The following STAP2 variants were observed in gnomAD, a reference collection of about 807,000 sequenced individuals.
The protein encoded by STAP2 is signal-transducing adaptor protein 2.
A neutral mutation model predicts 52.7 loss-of-function variants in STAP2; 58 were observed. That is an observed-to-expected ratio of 1.10 (90% CI 0.89 to 1.37). The LOEUF is 1.37. Among genes scored for constraint, STAP2 ranks in the 40% most tolerant of loss-of-function variants. The probability of loss-of-function intolerance (pLI) is 0.00; values close to 1 mark genes in which losing one functional copy is unlikely to be tolerated. For missense variants in STAP2, 522 were observed against 519.4 expected, an observed-to-expected ratio of 1.00 and a Z score of -0.05; for synonymous variants, 231 against 210.5, an observed-to-expected ratio of 1.10 and a Z score of -0.84.
chr19:4,338,653 C>G lies in STAP2; in HGVS notation c.101G>C (p.Arg34Pro). The G allele has an allele frequency of 1.2e-6, 2 of 1,609,902 alleles. No homozygotes were observed. The highest frequency in any genetic ancestry group is 1.7e-6 in the Non-Finnish European group (2 of 1,177,798). ...CCAGCCCCCGCCTCCCCACCTTACC[C>G]GGTCACAGGGCCCCTTCTTCTCTAG... ...SFLEKKGPCDRDYKKFWAGLQ... is the reference protein window; with the variant it reads ...SFLEKKGPCDPDYKKFWAGLQ... Residue 34 changes from arginine to proline, a missense_variant and splice_region_variant, in exon 1 of 13, where the codon CGG (arginine) becomes CCG (proline). By Grantham distance (103) the Arg-to-Pro change is moderately radical. Transcript: ENST00000594605.
Position 4,327,145 on chromosome 19 carries a change from C to T in STAP2, c.742G>A (p.Glu248Lys), listed in dbSNP as rs754998915. The change falls in exon 8 of 13, where the codon GAG (glutamate) becomes AAG (lysine). Residue 248 changes from glutamate (E) to lysine (K), a missense_variant. Physicochemically the swap from Glu to Lys is moderately conservative, Grantham distance 56. Transcript: ENST00000594605. ...KKALVPFLLD[E>K]DYEKVLGYVE... is the part of the protein sequence containing the mutation. ...CCACCTAGCACCTTCTCGTAGTCCT[C>T]GTCTAACAGGAATGGCACCAGCGCC... 2 of 1,614,072 alleles carry T rather than the reference C, an allele frequency of 1.2e-6. No individual in the cohort carries two copies. Among genetic ancestry groups the T allele is most frequent in the Non-Finnish European group, 1.7e-6 (2 of 1,180,034 alleles).
intron 9 of STAP2, 124 bp from the exon 10 acceptor site, chr19:4,325,669 C>A: frequency 8.2e-7 from 1 of 1,222,354 alleles, no homozygotes. Flanking sequence ...TGTGTGTGCC[C>A]ATGTATAAGT....
At chr19:4,335,502 A>G (rs1971967926) in intron 1 of STAP2, among the ~76,000 whole-genome samples, 1 of 151,604 alleles carries the variant, frequency 6.6e-6, no homozygotes. Context: ...AGCCACCATC[A>G]AGCCCGCATG....
Position 4,332,020 on chromosome 19 carries a change from AC to A in STAP2, c.354+1del, listed in dbSNP as rs1364573028. The A allele has an allele frequency of 3.1e-6, 5 of 1,612,590 alleles. No homozygotes were observed. In the African/African-American group the frequency reaches 6.7e-5, roughly 22 times the overall value. On this transcript the variant is annotated splice_donor_variant, in intron 4 of 12. Coordinates refer to ENST00000594605, the MANE Select transcript of STAP2 (RefSeq NM_001013841.2). LOFTEE classifies it high-confidence loss of function. ...GAGGGCGCAGAGAGCCACTACTCTT[AC>A]CTCCACCACCGTTAAGATGAAGCCT...
In STAP2 at chr19:4,328,846, G is replaced by C. The variant is rs371838447; in HGVS notation, c.456-37C>G. 3.8e-6 allele frequency: 6 copies of C among 1,599,608 alleles called. No individual in the cohort carries two copies. The South Asian group carries it at 5.6e-5, about 15-fold the overall frequency. On this transcript the variant is annotated intron_variant, in intron 5 of 12. Transcript: ENST00000594605. ...CGCGTCACCCACTCGGGACCCCGGA[G>C]ACCAAGTCCGCTCTTCTGCACGTAA...
At position 4,331,911 on chromosome 19, in the gene STAP2, G is replaced by A. The variant is rs1292882830; in HGVS notation, c.354+111C>T. The A allele has an allele frequency of 7.8e-6, 9 of 1,148,478 alleles. No individual in the cohort carries two copies. The Admixed American group carries it at 1.2e-4, about 15-fold the overall frequency. The allele number at this position is 1,148,478 out of a possible 1,614,324, so 71.1% of individuals were successfully genotyped here. A position where few individuals can be genotyped will look rare whatever the true frequency, so the allele number is the denominator to read the frequency against. On this transcript the variant is annotated intron_variant, in intron 4 of 12. Transcript: ENST00000594605. Reference sequence around the variant, plus strand: ...CGCACCACTGCACTCCAGCCTGGGCGACAGAGCGAGACTCCGTCTCAAAAA... The same window carrying A: ...CGCACCACTGCACTCCAGCCTGGGCAACAGAGCGAGACTCCGTCTCAAAAA...
At chr19:4,324,922 C>T in intron 11 of STAP2, 1 of 434,664 alleles carries the variant, frequency 2.3e-6, no homozygotes, top group Non-Finnish European at 4.2e-6. Flanking sequence ...ATCACGAGGT[C>T]AGGAGATCAA....
intron 1 of STAP2, among the ~76,000 whole-genome samples, chr19:4,336,546 T>C (rs1189403348): frequency 2.0e-5 from 3 of 151,856 alleles, no homozygotes; most frequent in Non-Finnish European, 4.4e-5. Flanking sequence ...ACTCCTGACC[T>C]CAAGTGATCC....
chr19:4,327,326 A>C lies in STAP2; in HGVS notation c.650T>G (p.Val217Gly), dbSNP rs1971810708. ...TGGCCCAACGCTCACCGGCTGTTCCACATCGATCACGTACTTGGGGCCCTC... is the reference window on the plus strand; with the variant it reads ...TGGCCCAACGCTCACCGGCTGTTCCCCATCGATCACGTACTTGGGGCCCTC... Reference protein sequence around the residue: ...KREGPKYVIDVEQPFSCTSLD... With the variant: ...KREGPKYVIDGEQPFSCTSLD... The change falls in exon 7 of 13, where the codon GTG (valine) becomes GGG (glycine). Residue 217 changes from valine to glycine, a missense_variant. By Grantham distance (109) the Val-to-Gly change is moderately radical. Coordinates refer to ENST00000594605, the MANE Select transcript of STAP2 (RefSeq NM_001013841.2). 6.2e-7 allele frequency: 1 copy of C among 1,614,026 alleles called. No individual in the cohort carries two copies. Among genetic ancestry groups the C allele is most frequent in the African/African-American group, 1.3e-5 (1 of 74,920 alleles).
rs577651376 is a variant in STAP2, at chr19:4,326,803, A to G, written c.829+139T>C. On this transcript the variant is annotated intron_variant, in intron 9 of 12. Transcript: ENST00000594605. ...TCCCCCACACACACACCCTGACGGC[A>G]GGGTCTGAGTCATTTCTGTCCCTGC... is the stretch of plus-strand genomic sequence containing the variant. The G allele has an allele frequency of 2.2e-4, 233 of 1,072,202 alleles. 1 individual carries two copies. In the East Asian group the frequency reaches 5.9e-3, roughly 27 times the overall value. The allele number at this position is 1,072,202 out of a possible 1,614,324, so 66.4% of individuals were successfully genotyped here. A position where few individuals can be genotyped will look rare whatever the true frequency, so the allele number is the denominator to read the frequency against.
chr19:4,332,919 G>A (rs574231021), intron 3 of STAP2, among the ~76,000 whole-genome samples: 118 of 151,642 alleles, frequency 7.8e-4, no homozygotes, highest in African/African-American at 2.6e-3. Context: ...GCCAGCCACC[G>A]TGACTCATGC....
At chr19:4,327,896 G>T (rs1483824385) in intron 6 of STAP2, among the ~76,000 whole-genome samples, 2 of 147,588 alleles carry the variant, frequency 1.4e-5, no homozygotes, top group South Asian at 4.3e-4. Flanking sequence ...CCCAGGGCTG[G>T]CTCCGCCTCC....
At chr19:4,324,399 C>A in intron 12 of STAP2, 56 bp downstream of exon 12, 1 of 1,466,080 alleles carries the variant, frequency 6.8e-7, no homozygotes, top group Non-Finnish European at 9.2e-7. Flanking sequence ...ACTTGTGTGA[C>A]TGTACGGTCA....
At chr19:4,328,619 G>T (rs187839092) in intron 6 of STAP2, 56 bp downstream of exon 6, 1 of 1,532,998 alleles carries the variant, frequency 6.5e-7, no homozygotes. Flanking sequence ...ACGCCCCCGC[G>T]CCCACCCTCT....
intron 1 of STAP2, among the ~76,000 whole-genome samples, chr19:4,335,330 G>C (rs1374347751): frequency 6.8e-6 from 1 of 147,266 alleles, no homozygotes; most frequent in Non-Finnish European, 1.5e-5. Flanking sequence ...TCCCTCCATC[G>C]TGCATCCACC....
chr19:4,325,107 C>T, intron 11 of STAP2, 109 bp downstream of exon 11: 1 of 1,019,446 alleles, frequency 9.8e-7, no homozygotes, highest in East Asian at 2.6e-5. Flanking sequence ...CCACTGCACT[C>T]CAGCCTGGGC....
At chr19:4,336,292 G>T (rs1971979009) in intron 1 of STAP2, among the ~76,000 whole-genome samples, 1 of 150,786 alleles carries the variant, frequency 6.6e-6, no homozygotes, top group African/African-American at 2.4e-5. Context: ...TGGGATTACA[G>T]GCGTGAGCCA....
chr19:4,327,228 T>G lies in STAP2; in HGVS notation c.661-2A>C, dbSNP rs534802789. ...GGCGTCCAGGGAGGTGCAAGAGAAC[T>G]GGGGGCAGATGGGGGAGCGGTCAGG... On this transcript the variant is annotated splice_acceptor_variant, in intron 7 of 12. Coordinates refer to ENST00000594605, the MANE Select transcript of STAP2 (RefSeq NM_001013841.2). LOFTEE classifies it high-confidence loss of function. 3 of 1,613,980 alleles carry G rather than the reference T, an allele frequency of 1.9e-6. No individual in the cohort carries two copies. The South Asian group carries it at 3.3e-5, about 18-fold the overall frequency.
intron 12 of STAP2, 60 bp downstream of exon 12, chr19:4,324,395 G>A: frequency 6.9e-7 from 1 of 1,454,184 alleles, no homozygotes; most frequent in Non-Finnish European, 9.3e-7. Flanking sequence ...GGGGACTTGT[G>A]TGACTGTACG....
Sources: gnomAD v4.1 joint callset for allele counts (sites outside exome capture counted in the v4.1 genomes callset) on GRCh38, gnomAD v4.1.1 for gene constraint, MANE v1.5 for transcripts, NCBI Gene and HGNC (gene_info 2026-07-23, HGNC 2026-07-21) for gene names.